TMEM132C: variants seen among roughly 807,000 people sequenced by gnomAD.
TMEM132C encodes the protein transmembrane protein 132C.
In TMEM132C, 29 loss-of-function variants were observed where a neutral mutation model predicts 61.4. That is an observed-to-expected ratio of 0.47 (90% CI 0.35 to 0.64). The LOEUF (loss-of-function observed/expected upper bound fraction) is 0.64, where lower values mean the gene tolerates loss of function less well. TMEM132C is among the 30% of genes least tolerant of loss of function. TMEM132C has a pLI of 0.00. For synonymous variants in TMEM132C, 656 were observed against 633.1 expected (o/e 1.04, Z -0.54); for missense variants, 1,408 against 1,476.9 (o/e 0.95, Z 0.76).
chr12:128,619,595 G>A (rs1440488357), intron 4 of TMEM132C, among the ~76,000 whole-genome samples: 2 of 152,180 alleles, frequency 1.3e-5, no homozygotes, highest in Non-Finnish European at 2.9e-5. Context: ...GTGAGGGCAG[G>A]AAAGCTCCAA....
rs1479298206 is a variant in TMEM132C, at chr12:128,570,187, G to T, written c.1121+26084G>T. Among the ~76,000 whole-genome samples the T allele has an allele frequency of 6.6e-6, 1 of 151,856 alleles. No individual in the cohort carries two copies. Among genetic ancestry groups the T allele is most frequent in the Admixed American group, 6.6e-5 (1 of 15,246 alleles). Reference sequence around the variant, plus strand: ...GTGAAAGAAAGAAAATTCAAGGGCTGAAAAATATCTACACCTCCCCACCCC... The same window carrying T: ...GTGAAAGAAAGAAAATTCAAGGGCTTAAAAATATCTACACCTCCCCACCCC... On this transcript the variant is annotated intron_variant, in intron 3 of 8. Transcript: ENST00000435159. This position sits in a 1 kb window ranked among gnomAD's most constrained non-coding sequence, Gnocchi z 4.7.
intron 2 of TMEM132C, among the ~76,000 whole-genome samples, chr12:128,486,957 C>T (rs1479942349): frequency 1.3e-5 from 2 of 150,652 alleles, no homozygotes; most frequent in Non-Finnish European, 2.9e-5. Flanking sequence ...AGTGTGAAAT[C>T]CAAGAAAGAA....
At chr12:128,369,254 T>A (rs1459483484) in intron 1 of TMEM132C, among the ~76,000 whole-genome samples, 1 of 152,232 alleles carries the variant, frequency 6.6e-6, no homozygotes, top group African/African-American at 2.4e-5. Context: ...TCATTGATAC[T>A]TAAAATGATG....
chr12:128,505,979 A>T (rs542199148), intron 2 of TMEM132C, among the ~76,000 whole-genome samples: 1 of 152,194 alleles, frequency 6.6e-6, no homozygotes, highest in Admixed American at 6.5e-5. Flanking sequence ...GTTCTGCTGC[A>T]TGTAACTGAA....
chr12:128,647,304 T>C lies in TMEM132C; in HGVS notation c.1306-22113T>C, dbSNP rs553049004. ...GTGTGTTTACTGGAGCCCATCAGCA[T>C]TGGATGTGAGTGTGTTTACTAGAGT... On this transcript the variant is annotated intron_variant, in intron 4 of 8. Transcript: ENST00000435159. 1.5e-4 allele frequency among the ~76,000 whole-genome samples: 22 copies of C among 151,382 alleles called. No individual in the cohort carries two copies. The East Asian group carries it at 3.9e-3, about 27-fold the overall frequency.
intron 3 of TMEM132C, among the ~76,000 whole-genome samples, chr12:128,601,165 C>A (rs1244469543): frequency 6.6e-6 from 1 of 152,176 alleles, no homozygotes; most frequent in Non-Finnish European, 1.5e-5. Context: ...TCTCGCTTCT[C>A]TCTTGGAATG....
intron 5 of TMEM132C, among the ~76,000 whole-genome samples, chr12:128,685,839 A>G (rs991458352): frequency 6.6e-6 from 1 of 152,106 alleles, no homozygotes; most frequent in Non-Finnish European, 1.5e-5. Flanking sequence ...TGGTTTTCTC[A>G]TTTGCAATAT....
At chr12:128,402,121 C>T (rs1328587785) in intron 1 of TMEM132C, among the ~76,000 whole-genome samples, 1 of 152,098 alleles carries the variant, frequency 6.6e-6, no homozygotes. Context: ...GAGAGAGACT[C>T]CAAGCCGAGG....
At chr12:128,323,327 T>C (rs566860513) in intron 1 of TMEM132C, among the ~76,000 whole-genome samples, 1 of 152,296 alleles carries the variant, frequency 6.6e-6, no homozygotes, top group East Asian at 1.9e-4. Context: ...CAGTGGAAGA[T>C]TGGCCTTGAG....
chr12:128,353,576 C>T (rs1873406912), intron 1 of TMEM132C, among the ~76,000 whole-genome samples: 1 of 152,218 alleles, frequency 6.6e-6, no homozygotes, highest in Admixed American at 6.5e-5. Context: ...CTACTTTGCG[C>T]AGCTCCTCCC....
intron 2 of TMEM132C, among the ~76,000 whole-genome samples, chr12:128,478,008 A>C (rs1871205455): frequency 2.0e-5 from 3 of 152,230 alleles, no homozygotes; most frequent in Admixed American, 2.0e-4. Context: ...AGACAAAGGC[A>C]TTTTCTCACT....
At chr12:128,502,828 G>A (rs1049402480) in intron 2 of TMEM132C, among the ~76,000 whole-genome samples, 1 of 152,212 alleles carries the variant, frequency 6.6e-6, no homozygotes, top group Non-Finnish European at 1.5e-5. Context: ...AAATTGTGGT[G>A]GAGGCCTTGG....
chr12:128,411,661 G>A (rs1245872896), intron 1 of TMEM132C, among the ~76,000 whole-genome samples: 1 of 152,074 alleles, frequency 6.6e-6, no homozygotes, highest in African/African-American at 2.4e-5. Context: ...AGTGAAGAAT[G>A]GTATTTAGAA....
At chr12:128,702,818 T>A (rs1317809291) in intron 8 of TMEM132C, among the ~76,000 whole-genome samples, 1 of 152,208 alleles carries the variant, frequency 6.6e-6, no homozygotes, top group Non-Finnish European at 1.5e-5. Flanking sequence ...GATTTTCCCA[T>A]GCCCCGTCCA....
chr12:128,347,982 C>A (rs1021694015), intron 1 of TMEM132C, among the ~76,000 whole-genome samples: 2 of 152,178 alleles, frequency 1.3e-5, no homozygotes, highest in Non-Finnish European at 1.5e-5. Flanking sequence ...TACAAAAAGG[C>A]AGCTGGGATT....
chr12:128,617,882 C>T lies in TMEM132C; in HGVS notation c.1305+1547C>T, dbSNP rs544342111. Among the ~76,000 whole-genome samples the T allele has an allele frequency of 5.3e-4, 81 of 152,348 alleles. 1 individual carries two copies. Among genetic ancestry groups the T allele is most frequent in the African/African-American group, 1.4e-3 (60 of 41,584 alleles). ...AACACTTGGAAGTCAGAGAATGATT[C>T]CTTTTGACTTTTTATGTCCTAGAAC... On this transcript the variant is annotated intron_variant, in intron 4 of 8. Coordinates refer to ENST00000435159, the MANE Select transcript of TMEM132C (RefSeq NM_001136103.3).
chr12:128,560,440 G>A (rs900114276), intron 3 of TMEM132C, among the ~76,000 whole-genome samples: 1 of 152,164 alleles, frequency 6.6e-6, no homozygotes, highest in African/African-American at 2.4e-5. Flanking sequence ...GATGAGCTAA[G>A]CGTGTTTCTA....
intron 3 of TMEM132C, among the ~76,000 whole-genome samples, chr12:128,607,078 G>A (rs746401871): frequency 4.6e-5 from 7 of 152,282 alleles, no homozygotes; most frequent in South Asian, 2.1e-4. Flanking sequence ...GGCAGGAGGT[G>A]TAGGTGAGAG....
chr12:128,469,059 G>A (rs1050902587), intron 2 of TMEM132C, among the ~76,000 whole-genome samples: 1 of 152,112 alleles, frequency 6.6e-6, no homozygotes, highest in Non-Finnish European at 1.5e-5. Flanking sequence ...CATACCGCTT[G>A]GTTGAAGTTA....
Sources: gnomAD v4.1 joint callset for allele counts (sites outside exome capture counted in the v4.1 genomes callset) on GRCh38, gnomAD v4.1.1 for gene constraint, Gnocchi (gnomAD v3.1) non-coding constraint, MANE v1.5 for transcripts, NCBI Gene and HGNC (gene_info 2026-07-23, HGNC 2026-07-21) for gene names.